Variants in SMYD3 observed in about 807,000 individuals in gnomAD.
The protein encoded by SMYD3 is SET and MYND domain containing 3.
Under a neutral mutation model 57.7 loss-of-function variants are expected in SMYD3, and 36 were observed. The ratio of observed to expected loss-of-function variants is 0.62; its 90% CI spans 0.48 to 0.82. The LOEUF is 0.82. Ranked by LOEUF, SMYD3 falls within the 40% of genes least tolerant of loss-of-function variation. The pLI is 0.00. For synonymous variants in SMYD3, 211 were observed against 195.0 expected, an observed-to-expected ratio of 1.08 and a Z score of -0.68; for missense variants, 515 against 538.8, an observed-to-expected ratio of 0.96 and a Z score of 0.44.
intron 5 of SMYD3, among the ~76,000 whole-genome samples, chr1:245,946,780 G>C (rs950912935): frequency 6.6e-5 from 10 of 152,110 alleles, no homozygotes; most frequent in Non-Finnish European, 1.3e-4. Flanking sequence ...CCAGGCACTA[G>C]GAAGAAAAGA....
At chr1:246,385,332 T>C (rs955326424) in intron 1 of SMYD3, among the ~76,000 whole-genome samples, 3 of 152,252 alleles carry the variant, frequency 2.0e-5, no homozygotes, top group African/African-American at 7.2e-5. Flanking sequence ...TTCCTAAGTA[T>C]ACTTAGGATA....
chr1:246,275,774 G>A (rs1332358612), intron 5 of SMYD3, among the ~76,000 whole-genome samples: 1 of 129,030 alleles, frequency 7.8e-6, no homozygotes, highest in Non-Finnish European at 1.7e-5. Context: ...TACTAACTCT[G>A]TTTTTTCACT....
chr1:246,066,775 G>A (rs1300675207), intron 5 of SMYD3, among the ~76,000 whole-genome samples: 1 of 152,174 alleles, frequency 6.6e-6, no homozygotes, highest in African/African-American at 2.4e-5. Context: ...GGTGGGCCGG[G>A]CAGACTATTA....
At chr1:246,324,864 T>C (rs1052185965) in intron 5 of SMYD3, among the ~76,000 whole-genome samples, 1 of 151,008 alleles carries the variant, frequency 6.6e-6, no homozygotes. Flanking sequence ...CCCGTGTGCT[T>C]GATGTGACTT....
At chr1:245,829,071 CTTTT>C (rs11291631) in intron 10 of SMYD3, among the ~76,000 whole-genome samples, 3 of 130,736 alleles carry the variant, frequency 2.3e-5, no homozygotes, top group African/African-American at 8.6e-5. Context: ...CTTAGCCTGG[CTTTT>C]TTTTTTTTTT....
rs765429356 is a variant in SMYD3 at position 246,328,726 on chromosome 1, CATGTGCACA to C, written c.395-1398_395-1390del. ...TTATTATATTTTAAGTTTTAGGGTACATGTGCACAATGTGCAGGTTAGTTACATATGTAT... is the reference window on the plus strand; with the variant it reads ...TTATTATATTTTAAGTTTTAGGGTACATGTGCAGGTTAGTTACATATGTAT... On this transcript the variant is annotated intron_variant, in intron 4 of 11. Coordinates refer to ENST00000490107, the MANE Select transcript of SMYD3 (RefSeq NM_001167740.2). Among the ~76,000 whole-genome samples, 520 of 150,358 alleles carry C rather than the reference CATGTGCACA, an allele frequency of 3.5e-3. 3 individuals are homozygous for C. Among genetic ancestry groups the C allele is most frequent in the Middle Eastern group, 0.031 (9 of 288 alleles).
intron 8 of SMYD3, among the ~76,000 whole-genome samples, chr1:245,870,613 T>C (rs2052133066): frequency 6.6e-6 from 1 of 152,176 alleles, no homozygotes; most frequent in African/African-American, 2.4e-5. Flanking sequence ...TACCAGATGA[T>C]ATGAGATCAT....
At chr1:246,092,030 A>G (rs2060832207) in intron 5 of SMYD3, among the ~76,000 whole-genome samples, 1 of 152,192 alleles carries the variant, frequency 6.6e-6, no homozygotes, top group South Asian at 2.1e-4. Context: ...TAAAAAGTAT[A>G]TGTAGCTTTT....
chr1:246,278,541 C>T (rs2064380874), intron 5 of SMYD3, among the ~76,000 whole-genome samples: 1 of 152,142 alleles, frequency 6.6e-6, no homozygotes, highest in South Asian at 2.1e-4. Context: ...GGGTGGTCTC[C>T]AGGAACTGTG....
At chr1:246,325,865 G>A (rs950263202) in intron 5 of SMYD3, 1 of 152,334 alleles carries the variant, frequency 6.6e-6, no homozygotes, top group African/African-American at 2.4e-5. Flanking sequence ...TGTTTATAGT[G>A]TTGAACATGA....
At chr1:246,376,589 T>TG (rs2066282177) in intron 1 of SMYD3, among the ~76,000 whole-genome samples, 1 of 85,176 alleles carries the variant, frequency 1.2e-5, no homozygotes, top group Non-Finnish European at 2.2e-5. Context: ...ACACTCCATC[T>TG]AAAAAAAAAA....
chr1:246,033,641 G>A (rs2059717773), intron 5 of SMYD3, among the ~76,000 whole-genome samples: 1 of 152,080 alleles, frequency 6.6e-6, no homozygotes, highest in South Asian at 2.1e-4. Context: ...ACAAAAATTA[G>A]CCAGGCGTGG....
At chr1:245,912,149 T>C (rs1241666818) in intron 8 of SMYD3, among the ~76,000 whole-genome samples, 1 of 151,952 alleles carries the variant, frequency 6.6e-6, no homozygotes, top group Non-Finnish European at 1.5e-5. Context: ...ACTGATAAAT[T>C]CAGTAAAGCT....
chr1:245,790,349 C>T (rs1247400180), intron 10 of SMYD3, among the ~76,000 whole-genome samples: 1 of 152,212 alleles, frequency 6.6e-6, no homozygotes, highest in Non-Finnish European at 1.5e-5. Context: ...AATGACCCTA[C>T]TTGCTAGATT....
intron 2 of SMYD3, among the ~76,000 whole-genome samples, chr1:246,350,717 A>G (rs2065808681): frequency 6.6e-6 from 1 of 152,196 alleles, no homozygotes; most frequent in Admixed American, 6.6e-5. Flanking sequence ...ATCAGGAGAA[A>G]GGAGGCTGGA....
chr1:245,943,218 T>C (rs1187192616), intron 5 of SMYD3, among the ~76,000 whole-genome samples: 1 of 149,722 alleles, frequency 6.7e-6, no homozygotes, highest in African/African-American at 2.4e-5. Context: ...AGTTTTTTTT[T>C]TTTTTTTTTT....
chr1:246,424,117 T>C (rs1012559963), intron 1 of SMYD3, among the ~76,000 whole-genome samples: 3 of 151,846 alleles, frequency 2.0e-5, no homozygotes, highest in Non-Finnish European at 4.4e-5. Flanking sequence ...AAATGAAGAG[T>C]GCTAGAAATG....
At position 246,437,213 on chromosome 1, in the gene SMYD3, T is replaced by A. The variant is rs368384177; in HGVS notation, c.164+69841A>T. The stretch of plus-strand genomic sequence containing the variant: ...GTATCTGCAGCAGCTGCTCTTCTCC[T>A]AGAGACAAAGAATGCTTTCTCAGGA... On this transcript the variant is annotated intron_variant, in intron 1 of 11. Coordinates refer to ENST00000490107, the MANE Select transcript of SMYD3 (RefSeq NM_001167740.2). 5.8e-4 allele frequency among the ~76,000 whole-genome samples: 89 copies of A among 152,302 alleles called. 1 individual carries two copies. The East Asian group carries it at 0.013, about 23-fold the overall frequency.
chr1:246,239,859 T>G (rs2063577161), intron 5 of SMYD3, among the ~76,000 whole-genome samples: 1 of 152,322 alleles, frequency 6.6e-6, no homozygotes, highest in South Asian at 2.1e-4. Context: ...GAGCACTTTT[T>G]ATGTGTCTGT....
Sources: gnomAD v4.1 joint callset for allele counts (sites outside exome capture counted in the v4.1 genomes callset) on GRCh38, gnomAD v4.1.1 for gene constraint, MANE v1.5 for transcripts, NCBI Gene and HGNC (gene_info 2026-07-23, HGNC 2026-07-21) for gene names.